Variants in GPR19 observed in about 807,000 individuals in gnomAD.
GPR19 encodes G protein-coupled receptor 19.
Under a neutral mutation model 28.5 loss-of-function variants are expected in GPR19, and 14 were observed. The observed-to-expected ratio is 0.49, with a 90% CI of 0.32 to 0.77. The LOEUF is 0.77. Among genes scored for constraint, GPR19 ranks in the 30% least tolerant of loss-of-function variants. The pLI, the probability that GPR19 is intolerant of heterozygous loss-of-function variation, is 0.03. For missense variants in GPR19, 409 were observed against 504.1 expected, an observed-to-expected ratio of 0.81 and a Z score of 1.81; for synonymous variants, 173 against 184.1, an observed-to-expected ratio of 0.94 and a Z score of 0.49.
In GPR19 at chr12:12,661,246, CT is replaced by C; in HGVS notation, c.1202del (p.Lys401SerfsTer28). 2 of 1,612,372 alleles carry C rather than the reference CT, an allele frequency of 1.2e-6. No individual in the cohort carries two copies. Among genetic ancestry groups the C allele is most frequent in the Non-Finnish European group, 1.7e-6 (2 of 1,179,286 alleles). ...GATTTGAGTTAATGGGCCAAGCAAG[CT>C]TTTTTTCCTTGGCTTCTCTGTCAAA... is the stretch of plus-strand genomic sequence containing the variant. ...DSFDREAKEK[K>X]LAWPINSNPP... On this transcript the variant is annotated frameshift_variant, in exon 4 of 4. Transcript: ENST00000651487. LOFTEE classifies it high-confidence loss of function. This position sits in a 1 kb window ranked among gnomAD's most constrained non-coding sequence, Gnocchi z 4.2.
At chr12:12,673,455 C>A (rs180678099) in intron 3 of GPR19, among the ~76,000 whole-genome samples, 1 of 152,308 alleles carries the variant, frequency 6.6e-6, no homozygotes, top group Admixed American at 6.5e-5. Flanking sequence ...AGGACACTCA[C>A]CTCCAGACTT....
chr12:12,671,332 A>C (rs991283339), intron 3 of GPR19, among the ~76,000 whole-genome samples: 1 of 151,900 alleles, frequency 6.6e-6, no homozygotes, highest in Non-Finnish European at 1.5e-5. Context: ...TTTCCATTAG[A>C]TATTTTAAAT....
At chr12:12,693,187 G>A (rs1338093328) in intron 2 of GPR19, among the ~76,000 whole-genome samples, 2 of 152,146 alleles carry the variant, frequency 1.3e-5, no homozygotes, top group Non-Finnish European at 2.9e-5. Flanking sequence ...ACAAAGACAG[G>A]CTTGAACCTC....
Position 12,662,353 on chromosome 12 carries a change from G to C in GPR19, c.96C>G (p.Ala32=), listed in dbSNP as rs1305501737. The C allele has an allele frequency of 6.2e-7, 1 of 1,614,082 alleles. No individual in the cohort carries two copies. Among genetic ancestry groups the C allele is most frequent in the Admixed American group, 1.7e-5 (1 of 60,010 alleles). The change falls in exon 4 of 4, where the codon GCC becomes GCG. Residue 32 remains alanine (A), a synonymous_variant. Transcript: ENST00000651487. ...PLQNRSCTET[A]TPLPSQYLME... is the part of the protein sequence containing the mutation. ...TCAGGTATTGGCTTGGCAGAGGTGT[G>C]GCTGTTTCAGTGCAGCTGCGGTTTT...
rs576011479 is a variant in GPR19, at chr12:12,662,926, C to T, written c.-22-456G>A. On this transcript the variant is annotated intron_variant, in intron 3 of 3. Transcript: ENST00000651487. ...GAAAGCTTGGGCAGATGAAAACACA[C>T]AGATTTTGACTATGGAAGTAGCTAA... Among the ~76,000 whole-genome samples, 4 of 152,354 alleles carry T rather than the reference C, an allele frequency of 2.6e-5. No homozygotes were observed. The South Asian group carries it at 8.3e-4, about 32-fold the overall frequency.
chr12:12,674,173 C>T (rs375883200), intron 3 of GPR19, among the ~76,000 whole-genome samples: 1 of 134,908 alleles, frequency 7.4e-6, no homozygotes, highest in African/African-American at 2.8e-5. Flanking sequence ...GATTGTACCA[C>T]TGCACTCCAA....
the GPR19 span, chr12:12,716,706 T>C: frequency 2.0e-6 from 2 of 982,220 alleles, no homozygotes; most frequent in African/African-American, 1.8e-5. Flanking sequence ...GGCTAATTTC[T>C]AAAAGAAAGA....
At chr12:12,665,626 C>A (rs1040005314) in intron 3 of GPR19, among the ~76,000 whole-genome samples, 1 of 151,948 alleles carries the variant, frequency 6.6e-6, no homozygotes, top group Non-Finnish European at 1.5e-5. Flanking sequence ...ATCACAAGGT[C>A]AGGAGATCGA....
the GPR19 span, chr12:12,717,030 G>C: frequency 6.0e-5 from 60 of 1,003,178 alleles, no homozygotes; most frequent in Non-Finnish European, 6.7e-5. Flanking sequence ...TCGGGGCTTA[G>C]GCGCCGCGGC....
the GPR19 span, among the ~76,000 whole-genome samples, chr12:12,706,938 G>A: frequency 9.2e-5 from 14 of 152,248 alleles, no homozygotes; most frequent in African/African-American, 2.6e-4. Context: ...AAAGTTACCC[G>A]AAGTCAGGTA....
the GPR19 span, among the ~76,000 whole-genome samples, chr12:12,710,747 G>A: frequency 6.6e-6 from 1 of 152,052 alleles, no homozygotes; most frequent in Non-Finnish European, 1.5e-5. Flanking sequence ...TGCTATGTAG[G>A]CCAGGCTGGT....
the GPR19 span, chr12:12,717,001 G>A: frequency 1.0e-6 from 1 of 996,948 alleles, no homozygotes. Flanking sequence ...GGCTTCCCGG[G>A]CGAGGAGCGG....
intron 3 of GPR19, among the ~76,000 whole-genome samples, chr12:12,673,237 G>C (rs1395357890): frequency 6.6e-6 from 1 of 152,196 alleles, no homozygotes; most frequent in Non-Finnish European, 1.5e-5. Flanking sequence ...CTCCTGGCAG[G>C]GTGTTGGGAG....
Position 12,661,760 on chromosome 12 carries a change from A to G in GPR19, c.689T>C (p.Val230Ala). 1.2e-6 allele frequency: 2 copies of G among 1,614,126 alleles called. No homozygotes were observed. The highest frequency in any genetic ancestry group is 1.7e-6 in the Non-Finnish European group (2 of 1,179,990). The change falls in exon 4 of 4, where the codon GTG (valine) becomes GCG (alanine). Residue 230 changes from valine (V) to alanine (A), a missense_variant. By Grantham distance (64) the Val-to-Ala change is moderately conservative. Coordinates refer to ENST00000651487, the MANE Select transcript of GPR19 (RefSeq NM_006143.3). The surrounding 1 kb of genome is among the most constrained non-coding windows in gnomAD (Gnocchi z 4.2). ...GAGGACAGATGGAATCACAAAGCCC[A>G]CCAAGAAGTGGATGACAGTGTAGGC... ...GTAYTVIHFL[V>A]GFVIPSVLII... is the part of the protein sequence containing the mutation.
chr12:12,705,523 A>G, the GPR19 span, among the ~76,000 whole-genome samples: 1 of 152,100 alleles, frequency 6.6e-6, no homozygotes, highest in East Asian at 1.9e-4. Flanking sequence ...GTTACTTTTA[A>G]AGATAAGGTC....
At chr12:12,699,458 T>TC (rs1701496944), upstream of GPR19, among the ~76,000 whole-genome samples, 3 of 140,670 alleles carry the variant, frequency 2.1e-5, no homozygotes, top group African/African-American at 8.2e-5. Context: ...GTCTTAAGTA[T>TC]TGGGGGTAAT....
chr12:12,711,749 T>C, the GPR19 span, among the ~76,000 whole-genome samples: 3 of 152,170 alleles, frequency 2.0e-5, no homozygotes, highest in Non-Finnish European at 4.4e-5. Flanking sequence ...TCTCCTTTTC[T>C]GTTACCTCTC....
At chr12:12,680,108 C>G (rs1945995612) in intron 3 of GPR19, among the ~76,000 whole-genome samples, 1 of 152,120 alleles carries the variant, frequency 6.6e-6, no homozygotes, top group Admixed American at 6.5e-5. Flanking sequence ...TCCTTTTATA[C>G]TGCTTTATAT....
At chr12:12,677,433 A>C (rs189077343) in intron 3 of GPR19, among the ~76,000 whole-genome samples, 1 of 151,998 alleles carries the variant, frequency 6.6e-6, no homozygotes, top group African/African-American at 2.4e-5. Context: ...TTATATTTGT[A>C]TATTTGCTCT....
Sources: allele counts gnomAD v4.1 joint callset (sites outside exome capture counted in the v4.1 genomes callset), GRCh38; gene constraint gnomAD v4.1.1; non-coding constraint Gnocchi (gnomAD v3.1); transcripts MANE v1.5; gene names NCBI Gene and HGNC (gene_info 2026-07-23, HGNC 2026-07-21).